DDX60: variants seen among roughly 807,000 people sequenced by gnomAD.
DDX60 encodes the protein probable ATP-dependent RNA helicase DDX60.
In DDX60, 165 loss-of-function variants were observed where a neutral mutation model predicts 212.8. The observed-to-expected ratio is 0.78, with a 90% CI of 0.68 to 0.88. The LOEUF is 0.88. DDX60 is among the 40% of genes least tolerant of loss of function. The probability of loss-of-function intolerance (pLI) is 0.00; values close to 1 mark genes in which losing one functional copy is unlikely to be tolerated. For synonymous variants in DDX60, 703 were observed against 685.3 expected (o/e 1.03, Z -0.40); for missense variants, 1,905 against 2,003.9 (o/e 0.95, Z 0.94).
chr4:168,314,078 C>A (rs1458607564), intron 1 of DDX60, among the ~76,000 whole-genome samples: 1 of 152,106 alleles, frequency 6.6e-6, no homozygotes, highest in African/African-American at 2.4e-5. Flanking sequence ...ACAGGGTATG[C>A]AAGACAATGC....
intron 1 of DDX60, among the ~76,000 whole-genome samples, chr4:168,315,475 G>C (rs1289008516): frequency 6.6e-6 from 1 of 152,110 alleles, no homozygotes; most frequent in Non-Finnish European, 1.5e-5. Context: ...TTGTTACATA[G>C]ATATACATGT....
At chr4:168,231,882 A>G (rs909888455) in intron 33 of DDX60, among the ~76,000 whole-genome samples, 1 of 152,084 alleles carries the variant, frequency 6.6e-6, no homozygotes, top group Non-Finnish European at 1.5e-5. Context: ...AACAAAAGAA[A>G]TAAATAAAGG....
chr4:168,229,280 G>C (rs114808146), intron 33 of DDX60, among the ~76,000 whole-genome samples: 1 of 152,106 alleles, frequency 6.6e-6, no homozygotes, highest in South Asian at 2.1e-4. Flanking sequence ...GAAGGATCTG[G>C]AATTGAGACA....
At position 168,273,336 on chromosome 4, in the gene DDX60, A is replaced by G; in HGVS notation, c.2517T>C (p.Gly839=). 3 of 1,613,970 alleles carry G rather than the reference A, an allele frequency of 1.9e-6. No individual in the cohort carries two copies. The highest frequency in any genetic ancestry group is 1.1e-5 in the South Asian group (1 of 91,082). Residue 839 remains glycine (G), a synonymous_variant, in exon 18 of 38, where the codon GGT becomes GGC. Coordinates refer to ENST00000393743, the MANE Select transcript of DDX60 (RefSeq NM_017631.6). ...TGGTGAAAACACCACAGAGAACTTC[A>G]CCACTTGGCAGATTTTTCGTAAAAC... The part of the protein sequence containing the change: ...QNRFTKNLPS[G]EVLCGVFTRE...
upstream of DDX60, among the ~76,000 whole-genome samples, chr4:168,323,441 G>GT (rs1376397546): frequency 1.3e-5 from 2 of 152,140 alleles, no homozygotes; most frequent in Non-Finnish European, 2.9e-5. Flanking sequence ...TTGCCACATT[G>GT]TAACTTTAAT....
At chr4:168,267,103 C>G (rs1734879473) in intron 22 of DDX60, among the ~76,000 whole-genome samples, 1 of 152,134 alleles carries the variant, frequency 6.6e-6, no homozygotes, top group African/African-American at 2.4e-5. Context: ...GGTGTCCCAG[C>G]TGAAATCTTC....
intron 24 of DDX60, among the ~76,000 whole-genome samples, chr4:168,261,534 T>G (rs913467197): frequency 7.9e-5 from 12 of 152,230 alleles, no homozygotes; most frequent in Non-Finnish European, 1.5e-4. Context: ...ATCAACTTAT[T>G]AAAACAAATA....
intron 18 of DDX60, among the ~76,000 whole-genome samples, 199 bp downstream of exon 18, chr4:168,273,080 G>A (rs1241330246): frequency 1.3e-5 from 2 of 152,180 alleles, no homozygotes; most frequent in African/African-American, 2.4e-5. Context: ...AAAGGTCAGT[G>A]TCCTTAGAGA....
chr4:168,280,421 T>C lies in DDX60; in HGVS notation c.1892A>G (p.Lys631Arg). The C allele has an allele frequency of 6.2e-7, 1 of 1,614,198 alleles. No homozygotes were observed. ...AACCTGAAGTTTCACACAGCTACTTTTACAGGATTTCAAAAAATCTTCCAG... is the reference window on the plus strand; with the variant it reads ...AACCTGAAGTTTCACACAGCTACTTCTACAGGATTTCAAAAAATCTTCCAG... ...KSLEDFLKSC[K>R]SSCVKLQVEM... The change falls in exon 14 of 38, where the codon AAA becomes AGA. Residue 631 changes from lysine (K) to arginine (R), a missense_variant. Transcript: ENST00000393743.
chr4:168,249,266 A>T (rs771920108), intron 28 of DDX60, among the ~76,000 whole-genome samples: 4 of 152,194 alleles, frequency 2.6e-5, no homozygotes, highest in Non-Finnish European at 4.4e-5. Flanking sequence ...GGAGCAGGAC[A>T]AACTTAAAAG....
At chr4:168,220,075 C>T (rs1732996123) in intron 37 of DDX60, among the ~76,000 whole-genome samples, 1 of 151,822 alleles carries the variant, frequency 6.6e-6, no homozygotes. Flanking sequence ...GGACATGCAA[C>T]TAAGCAACAG....
intron 33 of DDX60, among the ~76,000 whole-genome samples, chr4:168,231,692 T>C (rs1252672165): frequency 5.3e-5 from 8 of 152,090 alleles, no homozygotes; most frequent in Admixed American, 6.6e-5. Flanking sequence ...CTCAGCAAAA[T>C]TGGCATAGAA....
chr4:168,216,888 A>C lies in DDX60; in HGVS notation c.*45T>G. On this transcript the variant is annotated 3_prime_UTR_variant, in exon 38 of 38. Coordinates refer to ENST00000393743, the MANE Select transcript of DDX60 (RefSeq NM_017631.6). ...TAAGAATCAAAAACGTGACCTGAAA[A>C]ACTACTATGGAATTATTTTTAAGTG... 7.9e-7 allele frequency: 1 copy of C among 1,269,508 alleles called. No individual in the cohort carries two copies. Among genetic ancestry groups the C allele is most frequent in the Non-Finnish European group, 1.1e-6 (1 of 908,942 alleles). The allele number at this position is 1,269,508 out of a possible 1,614,324, so 78.6% of individuals were successfully genotyped here.
At chr4:168,292,041 CTTTCTTTCTTT>C in intron 7 of DDX60, 135 bp from the exon 8 acceptor site, 1 of 426,982 alleles carries the variant, frequency 2.3e-6, no homozygotes, top group East Asian at 3.8e-5. Flanking sequence ...TTCTTTCTTT[CTTTCTTTCTTT>C]TTTTTTTTTT....
chr4:168,237,054 G>A (rs996090057), intron 32 of DDX60, among the ~76,000 whole-genome samples: 1 of 151,648 alleles, frequency 6.6e-6, no homozygotes, highest in East Asian at 1.9e-4. Flanking sequence ...AGGAATCACT[G>A]AAGTTAATAT....
At chr4:168,269,506 C>T (rs1286974955) in intron 19 of DDX60, among the ~76,000 whole-genome samples, 1 of 151,926 alleles carries the variant, frequency 6.6e-6, no homozygotes, top group Non-Finnish European at 1.5e-5. Context: ...GAGGCTGAGG[C>T]AGGAGAATGG....
chr4:168,324,234 G>T, the DDX60 span, among the ~76,000 whole-genome samples: 1 of 152,212 alleles, frequency 6.6e-6, no homozygotes, highest in Non-Finnish European at 1.5e-5. Flanking sequence ...TCACAGGCTT[G>T]GGGGCTGTGA....
At chr4:168,309,429 T>TA (rs1014302550) in intron 3 of DDX60, among the ~76,000 whole-genome samples, 2 of 152,156 alleles carry the variant, frequency 1.3e-5, no homozygotes, top group African/African-American at 2.4e-5. Context: ...AGGACCATTG[T>TA]AAAAAAATTT....
At chr4:168,236,663 T>C (rs1396735369) in intron 32 of DDX60, among the ~76,000 whole-genome samples, 2 of 151,880 alleles carry the variant, frequency 1.3e-5, no homozygotes, top group African/African-American at 4.8e-5. Context: ...AGAACTACCA[T>C]ATAGATTTAG....
Sources: gnomAD v4.1 joint callset for allele counts (sites outside exome capture counted in the v4.1 genomes callset) on GRCh38, gnomAD v4.1.1 for gene constraint, MANE v1.5 for transcripts, NCBI Gene and HGNC (gene_info 2026-07-23, HGNC 2026-07-21) for gene names.